The following SEC24D variants were observed in gnomAD, a reference collection of about 807,000 sequenced individuals.
SEC24D encodes protein transport protein Sec24D.
Under a neutral mutation model 116.9 loss-of-function variants are expected in SEC24D, and 69 were observed. That is an observed-to-expected ratio of 0.59 (90% CI 0.49 to 0.72). The LOEUF is 0.72. Ranked by LOEUF, SEC24D falls within the 30% of genes least tolerant of loss-of-function variation. The probability of loss-of-function intolerance (pLI) is 0.00; values close to 1 mark genes in which losing one functional copy is unlikely to be tolerated. For synonymous variants in SEC24D, 405 were observed against 442.8 expected, an observed-to-expected ratio of 0.91 and a Z score of 1.07; for missense variants, 1,131 against 1,264.1, an observed-to-expected ratio of 0.89 and a Z score of 1.60.
At chr4:118,813,211 C>T (rs1337850501) in intron 6 of SEC24D, among the ~76,000 whole-genome samples, 1 of 152,166 alleles carries the variant, frequency 6.6e-6, no homozygotes, top group Non-Finnish European at 1.5e-5. Flanking sequence ...AATGTGACCA[C>T]AGAAGCAGAG....
At chr4:118,814,871 A>G (rs1232756723) in intron 6 of SEC24D, among the ~76,000 whole-genome samples, 157 bp downstream of exon 6, 1 of 152,162 alleles carries the variant, frequency 6.6e-6, no homozygotes, top group Non-Finnish European at 1.5e-5. Flanking sequence ...GCTTTCCCCC[A>G]TACATGCATA....
chr4:118,747,988 G>A (rs185253049), intron 13 of SEC24D, among the ~76,000 whole-genome samples: 14 of 152,158 alleles, frequency 9.2e-5, no homozygotes, highest in Non-Finnish European at 1.8e-4. Context: ...ATAGTAGGCC[G>A]GGCGTGGTGG....
chr4:118,787,314 T>C (rs2110493320), intron 8 of SEC24D, among the ~76,000 whole-genome samples: 1 of 152,364 alleles, frequency 6.6e-6, no homozygotes, highest in East Asian at 1.9e-4. Context: ...GCAGACAAGA[T>C]GATGATACAC....
chr4:118,828,473 C>T (rs1730686089), intron 2 of SEC24D, among the ~76,000 whole-genome samples: 1 of 152,104 alleles, frequency 6.6e-6, no homozygotes, highest in Non-Finnish European at 1.5e-5. Flanking sequence ...CGATTTTGCC[C>T]CTAAAATAGG....
At chr4:118,833,991 G>A (rs976449987) in intron 1 of SEC24D, among the ~76,000 whole-genome samples, 7 of 152,060 alleles carry the variant, frequency 4.6e-5, no homozygotes, top group Non-Finnish European at 7.3e-5. Flanking sequence ...ATAATAACTC[G>A]CAACCACTTT....
intron 8 of SEC24D, among the ~76,000 whole-genome samples, chr4:118,783,816 A>G (rs1317337497): frequency 6.6e-6 from 1 of 152,240 alleles, no homozygotes; most frequent in Non-Finnish European, 1.5e-5. Context: ...CATTTGTCCA[A>G]ATATGTCTAA....
At position 118,740,817 on chromosome 4, in the gene SEC24D, A is replaced by T; in HGVS notation, c.2093-9T>A. 1 of 1,612,904 alleles carries T rather than the reference A, an allele frequency of 6.2e-7. No individual in the cohort carries two copies. Among genetic ancestry groups the T allele is most frequent in the Non-Finnish European group, 8.5e-7 (1 of 1,179,422 alleles). ...ATCAGTGGCTCTGAAACCTAAAGATAAGGGAAAAAGGGAAATTTTGCTTGT... is the reference window on the plus strand; with the variant it reads ...ATCAGTGGCTCTGAAACCTAAAGATTAGGGAAAAAGGGAAATTTTGCTTGT... On this transcript the variant is annotated splice_polypyrimidine_tract_variant and intron_variant, in intron 16 of 22. Coordinates refer to ENST00000280551, the MANE Select transcript of SEC24D (RefSeq NM_014822.4).
chr4:118,751,307 T>C (rs1726820076), intron 13 of SEC24D, among the ~76,000 whole-genome samples: 1 of 151,420 alleles, frequency 6.6e-6, no homozygotes, highest in South Asian at 2.1e-4. Flanking sequence ...GCCTCCCAAG[T>C]AGCTGGGATT....
At chr4:118,765,288 A>G (rs1202183713) in intron 9 of SEC24D, among the ~76,000 whole-genome samples, 1 of 152,246 alleles carries the variant, frequency 6.6e-6, no homozygotes, top group African/African-American at 2.4e-5. Context: ...CCTAACAGAA[A>G]TAAACATTCG....
At chr4:118,725,442 C>T (rs940797525) in intron 22 of SEC24D, among the ~76,000 whole-genome samples, 2 of 152,168 alleles carry the variant, frequency 1.3e-5, no homozygotes, top group African/African-American at 4.8e-5. Flanking sequence ...TTGGTAGGGG[C>T]AGTGTGGGTC....
chr4:118,746,372 C>T (rs1726536051), intron 13 of SEC24D, among the ~76,000 whole-genome samples: 4 of 151,898 alleles, frequency 2.6e-5, no homozygotes, highest in African/African-American at 9.7e-5. Context: ...CAGCTCTGTG[C>T]CAGGCTCTTC....
At chr4:118,744,851 A>T in intron 14 of SEC24D, 93 bp downstream of exon 14, 1 of 702,638 alleles carries the variant, frequency 1.4e-6, no homozygotes, top group South Asian at 1.8e-5. Flanking sequence ...TATGAGATTT[A>T]GTTTCTCCCC....
chr4:118,733,232 C>A, intron 19 of SEC24D: 2 of 168,096 alleles, frequency 1.2e-5, no homozygotes, highest in South Asian at 2.0e-4. Flanking sequence ...CTTACCCTGT[C>A]TTTTTCTCAG....
intron 1 of SEC24D, among the ~76,000 whole-genome samples, chr4:118,834,903 T>C (rs1039513894): frequency 1.4e-4 from 21 of 152,216 alleles, no homozygotes; most frequent in East Asian, 3.8e-4. Flanking sequence ...AATTAAAAAT[T>C]TGAAGCCTAA....
At chr4:118,723,773 C>T in intron 22 of SEC24D, 118 bp from the exon 23 acceptor site, 1 of 1,119,356 alleles carries the variant, frequency 8.9e-7, no homozygotes, top group Non-Finnish European at 1.3e-6. Context: ...ATGTGTGAGG[C>T]TATGGAGGAT....
intron 7 of SEC24D, among the ~76,000 whole-genome samples, chr4:118,799,346 C>T (rs115080469): frequency 0.032 from 4,869 of 152,136 alleles, 124 homozygotes; most frequent in Non-Finnish European, 0.05. Flanking sequence ...GATGTTTTAA[C>T]GGGTGTGCGG....
At chr4:118,729,937 G>GT (rs1294714778) in intron 21 of SEC24D, 3 of 152,176 alleles carry the variant, frequency 2.0e-5, no homozygotes, top group Non-Finnish European at 2.9e-5. Flanking sequence ...AACAAACAAC[G>GT]TAAGTATTCT....
chr4:118,733,113 A>T, intron 19 of SEC24D: 1 of 511,472 alleles, frequency 2.0e-6, no homozygotes, highest in South Asian at 2.3e-5. Flanking sequence ...TTTTTATTTT[A>T]TCTAGTGCTA....
At chr4:118,766,804 C>T (rs2110471891) in intron 9 of SEC24D, 1 of 152,348 alleles carries the variant, frequency 6.6e-6, no homozygotes, top group Admixed American at 6.5e-5. Flanking sequence ...TGTCCCTTCT[C>T]AGGATTTTTT....
Sources: gnomAD v4.1 joint callset for allele counts (sites outside exome capture counted in the v4.1 genomes callset) on GRCh38, gnomAD v4.1.1 for gene constraint, MANE v1.5 for transcripts, NCBI Gene and HGNC (gene_info 2026-07-23, HGNC 2026-07-21) for gene names.